Variants in IL1RL1 observed in about 807,000 individuals in gnomAD.
IL1RL1 encodes the protein interleukin-1 receptor-like 1.
In IL1RL1, 32 loss-of-function variants were observed where a neutral mutation model predicts 50.9. The ratio of observed to expected loss-of-function variants is 0.63; its 90% confidence interval spans 0.47 to 0.84. The LOEUF is 0.84. Ranked by LOEUF, IL1RL1 falls within the 40% of genes least tolerant of loss-of-function variation. The pLI, the probability that IL1RL1 is intolerant of heterozygous loss-of-function variation, is 0.00. For synonymous variants in IL1RL1, 275 were observed against 236.0 expected (o/e 1.17, Z -1.51); for missense variants, 773 against 662.9 (o/e 1.17, Z -1.82).
At chr2:102,330,961 T>C (rs771822885) in intron 1 of IL1RL1, among the ~76,000 whole-genome samples, 3 of 152,216 alleles carry the variant, frequency 2.0e-5, no homozygotes, top group Admixed American at 6.5e-5. Context: ...CTTTTTCACA[T>C]AGAGAGTCAA....
At chr2:102,325,982 A>T (rs1189048363) in intron 1 of IL1RL1, among the ~76,000 whole-genome samples, 1 of 152,152 alleles carries the variant, frequency 6.6e-6, no homozygotes, top group East Asian at 1.9e-4. Context: ...CCAACATTCA[A>T]ATTCAGGAAA....
intron 1 of IL1RL1, 116 bp from the exon 2 acceptor site, chr2:102,338,000 C>G (rs1677390946): frequency 3.8e-6 from 1 of 265,748 alleles, no homozygotes; most frequent in South Asian, 1.4e-4. Context: ...GCTGTTACAT[C>G]TCTTTGCACT....
rs942363909 is a variant in IL1RL1, at chr2:102,338,155, G to A, written c.-110G>A. On this transcript the variant is annotated 5_prime_UTR_variant, in exon 2 of 11. Transcript: ENST00000233954. ...ACTCTTCCCAACTCAGTCTTGAAGA[G>A]TATCACCAACTGCCTCATGTGTGGT... 2 of 642,594 alleles carry A rather than the reference G, an allele frequency of 3.1e-6. No individual in the cohort carries two copies. Among genetic ancestry groups the A allele is most frequent in the South Asian group, 2.3e-5 (1 of 44,118 alleles). The allele number at this position is 642,594 out of a possible 1,614,324, so 39.8% of individuals were successfully genotyped here. A position where few individuals can be genotyped will look rare whatever the true frequency, so the allele number is the denominator to read the frequency against.
intron 1 of IL1RL1, among the ~76,000 whole-genome samples, chr2:102,331,836 G>A (rs1677186862): frequency 6.6e-6 from 1 of 152,214 alleles, no homozygotes; most frequent in African/African-American, 2.4e-5. Context: ...GGGAGGTCAA[G>A]GTTGGTGGAT....
At chr2:102,334,959 C>T (rs1472850325) in intron 1 of IL1RL1, among the ~76,000 whole-genome samples, 1 of 151,884 alleles carries the variant, frequency 6.6e-6, no homozygotes, top group Admixed American at 6.6e-5. Context: ...TAGGCACATA[C>T]AGGATTTCAA....
intron 1 of IL1RL1, among the ~76,000 whole-genome samples, chr2:102,333,853 C>A (rs1473361036): frequency 6.6e-6 from 1 of 152,088 alleles, no homozygotes; most frequent in Non-Finnish European, 1.5e-5. Flanking sequence ...TTTTCTGTTT[C>A]TTAACTGGTT....
intron 1 of IL1RL1, among the ~76,000 whole-genome samples, chr2:102,311,839 AATTG>A (rs1676483969): frequency 1.3e-5 from 1 of 78,430 alleles, no homozygotes; most frequent in Non-Finnish European, 2.3e-5. Flanking sequence ...TATATTATAT[AATTG>A]TAATATATAA....
intron 5 of IL1RL1, among the ~76,000 whole-genome samples, chr2:102,341,860 G>T (rs567183701): frequency 6.6e-6 from 1 of 152,210 alleles, no homozygotes; most frequent in East Asian, 1.9e-4. Flanking sequence ...ATTTTCATGG[G>T]TCTTTTGAAA....
chr2:102,312,155 G>A (rs1573122750), intron 1 of IL1RL1, among the ~76,000 whole-genome samples: 1 of 129,752 alleles, frequency 7.7e-6, no homozygotes, highest in East Asian at 2.1e-4. Flanking sequence ...CTCAATGACA[G>A]AGGGAAGACT....
Position 102,343,278 on chromosome 2 carries a change from A to G in IL1RL1, c.833A>G (p.Asn278Ser). 1 of 1,614,212 alleles carries G rather than the reference A, an allele frequency of 6.2e-7. No homozygotes were observed. The highest frequency in any genetic ancestry group is 8.5e-7 in the Non-Finnish European group (1 of 1,180,030). Residue 278 changes from asparagine to serine, a missense_variant, in exon 8 of 11, where the codon AAT becomes AGT. Asn to Ser is a conservative substitution (Grantham distance 46, BLOSUM62 1). Transcript: ENST00000233954. ...ACAGGTTGCTTTCTTAGTTTCAGCA[A>G]TGGGCTGGCTTGTCTAGACATGGTT... is the stretch of plus-strand genomic sequence containing the variant. ...QEEGQNQSFS[N>S]GLACLDMVLR...
chr2:102,312,777 T>A (rs930782982), intron 1 of IL1RL1: 3 of 152,166 alleles, frequency 2.0e-5, no homozygotes, highest in African/African-American at 7.2e-5. Context: ...CCTGCTTTGA[T>A]CCTCTGCTTG....
chr2:102,315,817 A>G (rs893416993), intron 1 of IL1RL1, among the ~76,000 whole-genome samples: 1 of 152,324 alleles, frequency 6.6e-6, no homozygotes, highest in Non-Finnish European at 1.5e-5. Flanking sequence ...TTTTCAAAAT[A>G]TAATCTACAT....
intron 5 of IL1RL1, among the ~76,000 whole-genome samples, chr2:102,341,733 C>G (rs940654644): frequency 6.6e-6 from 1 of 152,102 alleles, no homozygotes; most frequent in African/African-American, 2.4e-5. Flanking sequence ...ATAAGCACTG[C>G]CCGTCTTTCA....
chr2:102,342,975 T>C (rs1279172447), intron 6 of IL1RL1, 61 bp from the exon 7 acceptor site: 2 of 1,530,620 alleles, frequency 1.3e-6, no homozygotes, highest in Admixed American at 3.7e-5. Context: ...TTACATTAAA[T>C]GGGATAAAAT....
At chr2:102,322,075 G>T (rs537555740) in intron 1 of IL1RL1, among the ~76,000 whole-genome samples, 49 of 152,162 alleles carry the variant, frequency 3.2e-4, no homozygotes, top group Admixed American at 9.2e-4. Flanking sequence ...GAGATTGTGG[G>T]GCCTGGCAGT....
chr2:102,344,895 C>T, intron 8 of IL1RL1: 1 of 972,240 alleles, frequency 1.0e-6, no homozygotes, highest in South Asian at 4.8e-5. Context: ...CTGAATCTAG[C>T]AGGATTTTAA....
At position 102,343,318 on chromosome 2, in the gene IL1RL1, C is replaced by G; in HGVS notation, c.873C>G (p.Asp291Glu). The change falls in exon 8 of 11, where the codon GAC becomes GAG. Residue 291 changes from aspartate to glutamate, a missense_variant. By Grantham distance (45) the Asp-to-Glu change is conservative. Coordinates refer to ENST00000233954, the MANE Select transcript of IL1RL1 (RefSeq NM_016232.5). The stretch of plus-strand genomic sequence containing the variant: ...TAGACATGGTTTTAAGAATAGCTGA[C>G]GTGAAGGAAGAGGATTTATTGCTGC... ...ACLDMVLRIA[D>E]VKEEDLLLQY... 1.2e-6 allele frequency: 2 copies of G among 1,614,166 alleles called. No homozygotes were observed. Among genetic ancestry groups the G allele is most frequent in the Non-Finnish European group, 1.7e-6 (2 of 1,180,032 alleles).
intron 1 of IL1RL1, among the ~76,000 whole-genome samples, chr2:102,314,100 C>T (rs918446366): frequency 2.0e-5 from 3 of 152,150 alleles, no homozygotes; most frequent in Non-Finnish European, 2.9e-5. Flanking sequence ...AGGATGGCTT[C>T]AACTTGTCTG....
intron 1 of IL1RL1, chr2:102,337,286 T>C (rs1020087020): frequency 6.6e-6 from 1 of 152,272 alleles, no homozygotes; most frequent in Non-Finnish European, 1.5e-5. Flanking sequence ...CTGGAAACTA[T>C]TCTTAGCTCC....
Sources: allele counts gnomAD v4.1 joint callset (sites outside exome capture counted in the v4.1 genomes callset), GRCh38; gene constraint gnomAD v4.1.1; transcripts MANE v1.5; gene names NCBI Gene and HGNC (gene_info 2026-07-23, HGNC 2026-07-21).